FOXP2: variants seen among roughly 807,000 people sequenced by gnomAD.
FOXP2 encodes forkhead box P2, also known as forkhead box protein P2.
A neutral mutation model predicts 115.8 loss-of-function variants in FOXP2; 12 were observed. The ratio of observed to expected loss-of-function variants is 0.10; its 90% confidence interval spans 0.07 to 0.17. The LOEUF (loss-of-function observed/expected upper bound fraction) is 0.17, where lower values mean the gene tolerates loss of function less well. Among genes scored for constraint, FOXP2 ranks in the 10% least tolerant of loss-of-function variants. FOXP2 has a pLI of 1.00. For synonymous variants in FOXP2, 328 were observed against 297.7 expected, an observed-to-expected ratio of 1.10 and a Z score of -1.05; for missense variants, 629 against 843.5, an observed-to-expected ratio of 0.75 and a Z score of 3.15.
intron 2 of FOXP2, among the ~76,000 whole-genome samples, chr7:114,533,841 T>C (rs1443717707): frequency 6.6e-6 from 1 of 151,972 alleles, no homozygotes; most frequent in Non-Finnish European, 1.5e-5. Flanking sequence ...ATATAGTACA[T>C]TTACTGAACT....
chr7:114,227,212 G>A (rs1794765748), intron 1 of FOXP2, among the ~76,000 whole-genome samples: 1 of 152,014 alleles, frequency 6.6e-6, no homozygotes, highest in Non-Finnish European at 1.5e-5. Flanking sequence ...CCTATTATTT[G>A]GTTATGGTGG....
At chr7:114,288,615 A>T (rs756058277) in intron 2 of FOXP2, among the ~76,000 whole-genome samples, 4 of 151,798 alleles carry the variant, frequency 2.6e-5, no homozygotes, top group African/African-American at 7.2e-5. Context: ...AGATCCAGTC[A>T]GCTATTTTGA....
chr7:114,410,985 G>A (rs1033892918), upstream of FOXP2, among the ~76,000 whole-genome samples: 3 of 152,060 alleles, frequency 2.0e-5, no homozygotes, highest in Non-Finnish European at 4.4e-5. Context: ...CTAGTAGATA[G>A]AGTATCTAAC....
intron 2 of FOXP2, among the ~76,000 whole-genome samples, chr7:114,407,670 CT>C (rs1431064580): frequency 6.6e-6 from 1 of 152,088 alleles, no homozygotes; most frequent in African/African-American, 2.4e-5. Flanking sequence ...GCAAACAGTG[CT>C]TTTCTAAAGC....
chr7:114,468,087 T>G (rs1395630859), intron 2 of FOXP2, among the ~76,000 whole-genome samples: 1 of 152,200 alleles, frequency 6.6e-6, no homozygotes, highest in East Asian at 1.9e-4. Context: ...TACCCAAAGC[T>G]TCATGTACAT....
chr7:114,183,895 G>A (rs1330539291), intron 1 of FOXP2, among the ~76,000 whole-genome samples: 3 of 152,130 alleles, frequency 2.0e-5, no homozygotes, highest in African/African-American at 7.2e-5. Context: ...GGGTCCAGAT[G>A]TGTTTTATCT....
At chr7:114,329,869 G>T (rs1388628327) in intron 2 of FOXP2, among the ~76,000 whole-genome samples, 1 of 151,860 alleles carries the variant, frequency 6.6e-6, no homozygotes, top group Non-Finnish European at 1.5e-5. Context: ...TAGAGAAGGG[G>T]TTTCACCATA....
At chr7:114,470,698 A>G (rs1796005174) in intron 2 of FOXP2, among the ~76,000 whole-genome samples, 1 of 152,092 alleles carries the variant, frequency 6.6e-6, no homozygotes, top group Non-Finnish European at 1.5e-5. Flanking sequence ...CTATGGCTTT[A>G]AATACTATAC....
At chr7:114,630,820 G>A (rs1377800174) in intron 5 of FOXP2, among the ~76,000 whole-genome samples, 5 of 152,042 alleles carry the variant, frequency 3.3e-5, no homozygotes, top group South Asian at 2.1e-4. Context: ...TCCAGTGAGC[G>A]CATCAGAAGT....
chr7:114,325,279 G>A (rs1352061004), intron 2 of FOXP2, among the ~76,000 whole-genome samples: 13 of 151,770 alleles, frequency 8.6e-5, no homozygotes, highest in Admixed American at 8.5e-4. Context: ...TATCCAGAAT[G>A]TAAGTTTATA....
At chr7:114,236,500 G>T (rs1220659466) in intron 1 of FOXP2, among the ~76,000 whole-genome samples, 1 of 152,198 alleles carries the variant, frequency 6.6e-6, no homozygotes, top group Non-Finnish European at 1.5e-5. Context: ...ACTTCGAATT[G>T]TAAATGTATA....
intron 2 of FOXP2, among the ~76,000 whole-genome samples, chr7:114,316,880 G>A (rs1797291586): frequency 6.6e-6 from 1 of 151,830 alleles, no homozygotes; most frequent in Admixed American, 6.6e-5. Context: ...GAATTGCCTT[G>A]TGAATGATAT....
intron 1 of FOXP2, among the ~76,000 whole-genome samples, chr7:114,186,823 C>T (rs1011034958): frequency 1.3e-5 from 2 of 152,122 alleles, no homozygotes; most frequent in East Asian, 1.9e-4. Context: ...CAAGGTTTAT[C>T]GTTTGCATCC....
intron 1 of FOXP2, among the ~76,000 whole-genome samples, chr7:114,168,191 T>A (rs1793033908): frequency 6.6e-6 from 1 of 152,176 alleles, no homozygotes; most frequent in Non-Finnish European, 1.5e-5. Flanking sequence ...GCTGAAAAGT[T>A]ACCCAAAAAT....
At chr7:114,262,230 C>T (rs1795773212) in intron 1 of FOXP2, among the ~76,000 whole-genome samples, 1 of 152,032 alleles carries the variant, frequency 6.6e-6, no homozygotes. Context: ...TCAAGACCAG[C>T]CTGGGCAACA....
chr7:114,126,254 C>T (rs147670042), intron 1 of FOXP2, among the ~76,000 whole-genome samples: 134 of 151,684 alleles, frequency 8.8e-4, no homozygotes, highest in African/African-American at 3.1e-3. Flanking sequence ...GTATAGATGC[C>T]TACTAGGTTT....
At chr7:114,334,641 G>A (rs1192324128) in intron 2 of FOXP2, among the ~76,000 whole-genome samples, 1 of 94,440 alleles carries the variant, frequency 1.1e-5, no homozygotes, top group African/African-American at 3.1e-5. Flanking sequence ...AAAAGAAGAA[G>A]GAAAAAAAAC....
chr7:114,278,126 A>C (rs1186152355), intron 1 of FOXP2, among the ~76,000 whole-genome samples: 2 of 152,042 alleles, frequency 1.3e-5, no homozygotes, highest in Non-Finnish European at 2.9e-5. Context: ...ACAACAATTA[A>C]ATAAATAAGC....
intron 1 of FOXP2, among the ~76,000 whole-genome samples, chr7:114,223,160 G>C (rs1239450956): frequency 6.6e-6 from 1 of 152,034 alleles, no homozygotes; most frequent in East Asian, 1.9e-4. Context: ...CACATGTTTA[G>C]ATTTAGAAAA....
Sources: gnomAD v4.1 joint callset for allele counts (sites outside exome capture counted in the v4.1 genomes callset) on GRCh38, gnomAD v4.1.1 for gene constraint, MANE v1.5 for transcripts, NCBI Gene and HGNC (gene_info 2026-07-23, HGNC 2026-07-21) for gene names.